ANKS1B: variants seen among roughly 807,000 people sequenced by gnomAD.
The protein encoded by ANKS1B is ankyrin repeat and sterile alpha motif domain-containing protein 1B.
A neutral mutation model predicts 148.3 loss-of-function variants in ANKS1B; 36 were observed. The observed-to-expected ratio is 0.24, with a 90% CI of 0.19 to 0.32. ANKS1B has a LOEUF of 0.32. Ranked by LOEUF, ANKS1B falls within the 10% of genes least tolerant of loss-of-function variation. The pLI is 1.00. For synonymous variants in ANKS1B, 542 were observed against 560.8 expected (o/e 0.97, Z 0.47); for missense variants, 1,157 against 1,542.6 (o/e 0.75, Z 4.19).
chr12:98,933,611 C>A (rs1373494318), intron 17 of ANKS1B, among the ~76,000 whole-genome samples: 3 of 151,956 alleles, frequency 2.0e-5, no homozygotes, highest in South Asian at 2.1e-4. Flanking sequence ...TTTTACGTTC[C>A]CACCAACAGT....
At chr12:99,462,110 T>C (rs1405880974) in intron 10 of ANKS1B, among the ~76,000 whole-genome samples, 1 of 152,230 alleles carries the variant, frequency 6.6e-6, no homozygotes, top group Non-Finnish European at 1.5e-5. Flanking sequence ...CAAAACCCTA[T>C]TCCTATTTGC....
intron 8 of ANKS1B, among the ~76,000 whole-genome samples, chr12:99,733,854 T>A (rs1378861516): frequency 2.0e-5 from 3 of 152,228 alleles, no homozygotes; most frequent in African/African-American, 7.2e-5. Context: ...CATACCTGTA[T>A]CTAAACAACC....
chr12:99,173,801 C>G (rs1223923197), intron 14 of ANKS1B, among the ~76,000 whole-genome samples: 1 of 152,024 alleles, frequency 6.6e-6, no homozygotes, highest in Non-Finnish European at 1.5e-5. Context: ...CACAATTTTC[C>G]TTGGGGGATT....
chr12:99,394,105 C>T (rs1353270013), intron 12 of ANKS1B, among the ~76,000 whole-genome samples: 1 of 152,152 alleles, frequency 6.6e-6, no homozygotes. Flanking sequence ...CTCCTTTGTC[C>T]ACTCACTGTT....
At chr12:98,962,745 C>T (rs1247533988) in intron 17 of ANKS1B, among the ~76,000 whole-genome samples, 1 of 152,144 alleles carries the variant, frequency 6.6e-6, no homozygotes, top group Non-Finnish European at 1.5e-5. Flanking sequence ...TCAGTATCTT[C>T]TCTGACCACA....
chr12:99,048,997 T>A (rs2099964228), intron 17 of ANKS1B: 1 of 152,234 alleles, frequency 6.6e-6, no homozygotes, highest in South Asian at 2.1e-4. Flanking sequence ...AATCCACAGA[T>A]AATTTATAAA....
At chr12:98,877,769 T>A (rs1326428875) in intron 17 of ANKS1B, among the ~76,000 whole-genome samples, 1 of 152,224 alleles carries the variant, frequency 6.6e-6, no homozygotes, top group Non-Finnish European at 1.5e-5. Flanking sequence ...GCAACTGTCA[T>A]ACTTGCTAAT....
rs774704478 is a variant in ANKS1B, at chr12:99,246,640, C to T, written c.1981G>A (p.Val661Ile). The T allele has an allele frequency of 1.9e-6, 3 of 1,613,582 alleles. No individual in the cohort carries two copies. Among genetic ancestry groups the T allele is most frequent in the East Asian group, 4.5e-5 (2 of 44,866 alleles). The change falls in exon 13 of 27, where the codon GTA becomes ATA. Residue 661 changes from valine to isoleucine, a missense_variant. Val to Ile is a conservative substitution (Grantham distance 29). Around this residue, in one of 6 missense-constraint regions of ANKS1B, gnomAD observed 661 missense variants for 642.1 expected, o/e 1.03. Coordinates refer to ENST00000683438, the MANE Select transcript of ANKS1B (RefSeq NM_001352186.2). ...ACCACTTTGGGTTTAATTTTCTTTA[C>T]CAAAGGTTCTGAGTTATTTTCTATT... is the stretch of plus-strand genomic sequence containing the variant. ...SPIENNSEPL[V>I]KKIKPKVVSR...
chr12:99,113,673 T>C (rs369301656), intron 15 of ANKS1B, among the ~76,000 whole-genome samples: 1 of 152,196 alleles, frequency 6.6e-6, no homozygotes, highest in Non-Finnish European at 1.5e-5. Flanking sequence ...TGCCTTTCTC[T>C]TCATCCAATA....
At chr12:99,143,071 TC>T (rs1487931199) in intron 15 of ANKS1B, among the ~76,000 whole-genome samples, 1 of 152,130 alleles carries the variant, frequency 6.6e-6, no homozygotes, top group African/African-American at 2.4e-5. Flanking sequence ...TTTCAAGATC[TC>T]CCTTAAGACT....
intron 17 of ANKS1B, among the ~76,000 whole-genome samples, chr12:99,003,865 T>C (rs1004962733): frequency 1.6e-4 from 24 of 152,196 alleles, no homozygotes; most frequent in African/African-American, 5.8e-4. Flanking sequence ...CCTTCCATTA[T>C]AGAGGCTTGT....
chr12:99,010,574 C>G (rs1403659557), intron 17 of ANKS1B, among the ~76,000 whole-genome samples: 3 of 151,920 alleles, frequency 2.0e-5, no homozygotes, highest in African/African-American at 7.3e-5. Context: ...CCCTATTTTG[C>G]AGGTGAGAAA....
chr12:99,595,563 T>C (rs2097750931), intron 9 of ANKS1B, among the ~76,000 whole-genome samples: 7 of 151,840 alleles, frequency 4.6e-5, no homozygotes, highest in Admixed American at 3.3e-4. Flanking sequence ...TTTTAGAAAA[T>C]ATAAAACTAA....
chr12:99,343,560 A>G (rs1371777387), intron 12 of ANKS1B, among the ~76,000 whole-genome samples: 2 of 151,988 alleles, frequency 1.3e-5, no homozygotes, highest in Non-Finnish European at 2.9e-5. Flanking sequence ...CTCTCCTCTC[A>G]GCATCTACAA....
chr12:99,477,356 G>C (rs56856656), intron 10 of ANKS1B, among the ~76,000 whole-genome samples: 6,581 of 152,060 alleles, frequency 0.043, 492 homozygotes, highest in African/African-American at 0.15. Flanking sequence ...CAGTCCCTCC[G>C]CATCTCATTC....
intron 8 of ANKS1B, among the ~76,000 whole-genome samples, chr12:99,693,181 G>T (rs1476129416): frequency 1.3e-5 from 2 of 151,986 alleles, no homozygotes; most frequent in East Asian, 3.9e-4. Flanking sequence ...TGTATTTCAA[G>T]AAAGAGAAAA....
At chr12:98,901,390 G>A (rs551734126) in intron 17 of ANKS1B, among the ~76,000 whole-genome samples, 1 of 152,296 alleles carries the variant, frequency 6.6e-6, no homozygotes, top group Admixed American at 6.5e-5. Context: ...TCTGGACAGC[G>A]TCCACACTCT....
intron 1 of ANKS1B, among the ~76,000 whole-genome samples, chr12:99,853,068 G>C (rs576938924): frequency 1.3e-5 from 2 of 152,102 alleles, no homozygotes. Flanking sequence ...AGCAAGCCAC[G>C]CACAAGGAGT....
chr12:99,599,780 T>C (rs2153276596), intron 9 of ANKS1B, among the ~76,000 whole-genome samples: 1 of 152,080 alleles, frequency 6.6e-6, no homozygotes, highest in South Asian at 2.1e-4. Context: ...GACATGCAAA[T>C]CTAGAGGTGT....
Sources: allele counts gnomAD v4.1 joint callset (sites outside exome capture counted in the v4.1 genomes callset), GRCh38; gene constraint gnomAD v4.1.1; regional missense constraint gnomAD v4.1.1; transcripts MANE v1.5; gene names NCBI Gene and HGNC (gene_info 2026-07-23, HGNC 2026-07-21).